CHD7: variants seen among roughly 807,000 people sequenced by gnomAD.
The protein encoded by CHD7 is ATP-dependent chromatin remodeler CHD7.
CHD7 carries 24 observed loss-of-function variants against 307.3 expected under a neutral mutation model. That is an observed-to-expected ratio of 0.08 (90% CI 0.06 to 0.11). The LOEUF is 0.11. CHD7 is among the 10% of genes least tolerant of loss of function. The pLI, the probability that CHD7 is intolerant of heterozygous loss-of-function variation, is 1.00. For synonymous variants in CHD7, 1,363 were observed against 1,349.9 expected, an observed-to-expected ratio of 1.01 and a Z score of -0.21; for missense variants, 3,106 against 3,727.1, an observed-to-expected ratio of 0.83 and a Z score of 4.34.
chr8:60,761,499 TAAAA>T (rs970781100), intron 2 of CHD7, among the ~76,000 whole-genome samples: 4 of 151,682 alleles, frequency 2.6e-5, no homozygotes. Flanking sequence ...TAATAATAAT[TAAAA>T]AAAATATATT....
At chr8:60,719,272 A>G (rs1044852235) in intron 1 of CHD7, among the ~76,000 whole-genome samples, 1 of 152,226 alleles carries the variant, frequency 6.6e-6, no homozygotes, top group Non-Finnish European at 1.5e-5. Context: ...GTAAGTCTAA[A>G]TTATGATTTC....
chr8:60,793,631 A>C (rs1469454853), intron 3 of CHD7, among the ~76,000 whole-genome samples: 1 of 152,216 alleles, frequency 6.6e-6, no homozygotes, highest in Non-Finnish European at 1.5e-5. Context: ...CATGCTGTTT[A>C]ATGCATTCTG....
At chr8:60,777,615 G>T (rs1811015406) in intron 2 of CHD7, among the ~76,000 whole-genome samples, 1 of 152,122 alleles carries the variant, frequency 6.6e-6, no homozygotes, top group South Asian at 2.1e-4. Context: ...GGTTAAATTT[G>T]CATCTTGTCC....
chr8:60,776,394 C>T (rs910732436), intron 2 of CHD7, among the ~76,000 whole-genome samples: 11 of 152,130 alleles, frequency 7.2e-5, no homozygotes, highest in African/African-American at 2.7e-4. Flanking sequence ...AACTACTATC[C>T]GCTCATCTTG....
intron 37 of CHD7, 46 bp downstream of exon 37, chr8:60,862,698 CTG>C: frequency 7.6e-7 from 1 of 1,320,672 alleles, no homozygotes; most frequent in East Asian, 2.5e-5. Context: ...CTATACAAAA[CTG>C]TTTTCCTTAG....
At chr8:60,689,626 C>A (rs1285529356) in intron 1 of CHD7, among the ~76,000 whole-genome samples, 2 of 152,182 alleles carry the variant, frequency 1.3e-5, no homozygotes, top group Admixed American at 1.3e-4. Flanking sequence ...ACATCATGAT[C>A]TTACACACCT....
chr8:60,719,643 C>T (rs900847749), intron 1 of CHD7, among the ~76,000 whole-genome samples: 4 of 152,164 alleles, frequency 2.6e-5, no homozygotes, highest in African/African-American at 9.7e-5. Flanking sequence ...AAAGCACATT[C>T]TGCACCTGCC....
intron 1 of CHD7, among the ~76,000 whole-genome samples, chr8:60,729,647 G>C (rs139145163): frequency 3.0e-4 from 46 of 152,270 alleles, no homozygotes; most frequent in African/African-American, 1.0e-3. Flanking sequence ...TAGGTGCCTG[G>C]TTCTGTTTGT....
At chr8:60,808,043 T>A (rs1172534446) in intron 6 of CHD7, among the ~76,000 whole-genome samples, 174 bp from the exon 7 acceptor site, 1 of 152,266 alleles carries the variant, frequency 6.6e-6, no homozygotes, top group Non-Finnish European at 1.5e-5. Context: ...GGCCTGAGCG[T>A]GGCAGTCTTC....
At chr8:60,682,531 C>T (rs1403076848) in intron 1 of CHD7, among the ~76,000 whole-genome samples, 1 of 152,190 alleles carries the variant, frequency 6.6e-6, no homozygotes, top group Non-Finnish European at 1.5e-5. Context: ...AAGATTACAG[C>T]ATTGTATTCC....
Position 60,830,541 on chromosome 8 carries a change from T to C in CHD7, c.3742T>C (p.Leu1248=). 1 of 1,613,998 alleles carries C rather than the reference T, an allele frequency of 6.2e-7. No homozygotes were observed. Among genetic ancestry groups the C allele is most frequent in the Non-Finnish European group, 8.5e-7 (1 of 1,179,866 alleles). The change falls in exon 15 of 38, where the codon TTG becomes CTG. Residue 1248 remains leucine, a synonymous_variant. Transcript: ENST00000423902. ...TAACCTATTAAACACTATGATGGAA[T>C]TGCGGAAGTGCTGCAATCATCCGTA... ...VPNLLNTMME[L]RKCCNHPYLI...
At chr8:60,720,682 C>T (rs1807854899) in intron 1 of CHD7, among the ~76,000 whole-genome samples, 1 of 152,228 alleles carries the variant, frequency 6.6e-6, no homozygotes, top group Admixed American at 6.5e-5. Flanking sequence ...ACGGCTGTCT[C>T]TGAAAGCAGT....
chr8:60,787,444 G>A (rs1229699811), intron 3 of CHD7, among the ~76,000 whole-genome samples: 2 of 152,172 alleles, frequency 1.3e-5, no homozygotes, highest in Non-Finnish European at 2.9e-5. Flanking sequence ...CACTTGGAAA[G>A]ATACACTATG....
At chr8:60,763,830 G>C (rs1381265827) in intron 2 of CHD7, among the ~76,000 whole-genome samples, 1 of 152,094 alleles carries the variant, frequency 6.6e-6, no homozygotes, top group Non-Finnish European at 1.5e-5. Flanking sequence ...TCTGGCTTGA[G>C]GGCTGTCTTC....
At chr8:60,689,006 A>T (rs1394811244) in intron 1 of CHD7, among the ~76,000 whole-genome samples, 1 of 152,156 alleles carries the variant, frequency 6.6e-6, no homozygotes, top group Non-Finnish European at 1.5e-5. Context: ...GTGAGTAGCA[A>T]CTAGAACATA....
chr8:60,742,701 AGTT>A lies in CHD7; in HGVS notation c.1271_1273del (p.Val424del), dbSNP rs1466152038. 2 of 1,612,646 alleles carry A rather than the reference AGTT, an allele frequency of 1.2e-6. No individual in the cohort carries two copies. Among genetic ancestry groups the A allele is most frequent in the African/African-American group, 2.7e-5 (2 of 74,920 alleles). On this transcript the variant is annotated inframe_deletion, in exon 2 of 38. Transcript: ENST00000423902. Reference sequence around the variant, plus strand: ...CGGGAAGTGCTGGGATACCAATGGAAGTTGGCAGTTATCCAAATATGCCCCATC... The same window carrying A: ...CGGGAAGTGCTGGGATACCAATGGAAGGCAGTTATCCAAATATGCCCCATC...
intron 1 of CHD7, chr8:60,679,748 C>T (rs759722980): frequency 9.4e-5 from 14 of 148,420 alleles, no homozygotes; most frequent in Non-Finnish European, 1.5e-4. Flanking sequence ...GCGTTCCTCC[C>T]GGCGCGGCGG....
At chr8:60,810,378 A>AGTGTGT (rs780013407) in intron 7 of CHD7, among the ~76,000 whole-genome samples, 8 of 133,378 alleles carry the variant, frequency 6.0e-5, no homozygotes, top group South Asian at 2.5e-4. Flanking sequence ...GGAGAGAGAG[A>AGTGTGT]GAGTGTGTGT....
chr8:60,735,724 T>C (rs896558459), intron 1 of CHD7, among the ~76,000 whole-genome samples: 9 of 152,226 alleles, frequency 5.9e-5, no homozygotes, highest in Admixed American at 1.3e-4. Flanking sequence ...AAAATATTTT[T>C]TATGAAAGAG....
Sources: gnomAD v4.1 joint callset for allele counts (sites outside exome capture counted in the v4.1 genomes callset) on GRCh38, gnomAD v4.1.1 for gene constraint, MANE v1.5 for transcripts, NCBI Gene and HGNC (gene_info 2026-07-23, HGNC 2026-07-21) for gene names.